The following PREX2 variants were observed in gnomAD, a reference collection of about 807,000 sequenced individuals.
PREX2 encodes phosphatidylinositol 3,4,5-trisphosphate-dependent Rac exchanger 2 protein.
Under a neutral mutation model 203.2 loss-of-function variants are expected in PREX2, and 107 were observed. The ratio of observed to expected loss-of-function variants is 0.53; its 90% CI spans 0.45 to 0.62. The LOEUF (loss-of-function observed/expected upper bound fraction) is 0.62. Among genes scored for constraint, PREX2 ranks in the 20% least tolerant of loss-of-function variants. The pLI is 0.00. For missense variants in PREX2, 1,777 were observed against 1,955.9 expected (o/e 0.91, Z 1.72); for synonymous variants, 672 against 663.6 (o/e 1.01, Z -0.19).
At chr8:68,002,043 CT>C (rs1806952178) in intron 1 of PREX2, among the ~76,000 whole-genome samples, 1 of 151,104 alleles carries the variant, frequency 6.6e-6, no homozygotes, top group African/African-American at 2.4e-5. Context: ...ACAAGTTTCC[CT>C]ATGTAACAAA....
At chr8:68,111,954 C>T (rs1230180750) in intron 25 of PREX2, among the ~76,000 whole-genome samples, 1 of 152,162 alleles carries the variant, frequency 6.6e-6, no homozygotes, top group Non-Finnish European at 1.5e-5. Context: ...CCTGATAACA[C>T]CTCAGTGTTA....
intron 6 of PREX2, among the ~76,000 whole-genome samples, chr8:68,031,199 T>C (rs781180120): frequency 3.3e-5 from 5 of 152,188 alleles, no homozygotes; most frequent in Non-Finnish European, 7.3e-5. Flanking sequence ...AAAAAGAGTA[T>C]AGTTCAAAAT....
intron 1 of PREX2, among the ~76,000 whole-genome samples, chr8:68,014,447 C>CGGG (rs200517755): frequency 6.6e-6 from 1 of 150,926 alleles, no homozygotes; most frequent in African/African-American, 2.4e-5. Flanking sequence ...CCTCGGGGTG[C>CGGG]GGGGGGGGCG....
rs144941545 is a variant in PREX2 at position 68,009,944 on chromosome 8, G to A, written c.142-7902G>A. ...TTTACTTCCAGCCTGTGTGCTTCTGGTCCATGCCCTGATCTTGTGACATCT... is the reference window on the plus strand; with the variant it reads ...TTTACTTCCAGCCTGTGTGCTTCTGATCCATGCCCTGATCTTGTGACATCT... On this transcript the variant is annotated intron_variant, in intron 1 of 39. Transcript: ENST00000288368. 1.8e-4 allele frequency among the ~76,000 whole-genome samples: 28 copies of A among 152,210 alleles called. 1 individual carries two copies. In the East Asian group the frequency reaches 5.2e-3, roughly 28 times the overall value.
At chr8:68,008,954 G>A (rs1051709219) in intron 1 of PREX2, among the ~76,000 whole-genome samples, 2 of 151,986 alleles carry the variant, frequency 1.3e-5, no homozygotes, top group African/African-American at 4.8e-5. Context: ...GTATGAAAAC[G>A]GACTGACATG....
chr8:68,190,401 C>A (rs2129614636), intron 35 of PREX2, among the ~76,000 whole-genome samples: 1 of 152,078 alleles, frequency 6.6e-6, no homozygotes, highest in Middle Eastern at 3.4e-3. Context: ...GCATAATATG[C>A]AGCTGTAAAA....
At chr8:68,211,697 G>C (rs1424909090) in intron 37 of PREX2, among the ~76,000 whole-genome samples, 29 of 152,194 alleles carry the variant, frequency 1.9e-4, no homozygotes, top group Non-Finnish European at 4.4e-5. Flanking sequence ...GAGGTTCCAA[G>C]ATAGTTTGAA....
At chr8:67,993,631 C>A (rs2129609547) in intron 1 of PREX2, among the ~76,000 whole-genome samples, 1 of 152,204 alleles carries the variant, frequency 6.6e-6, no homozygotes, top group African/African-American at 2.4e-5. Flanking sequence ...TGGTATCGAA[C>A]TCCTAACCTC....
At chr8:68,060,917 A>T (rs6472376) in intron 11 of PREX2, 138 bp downstream of exon 11, 9 of 608,242 alleles carry the variant, frequency 1.5e-5, no homozygotes, top group Admixed American at 3.1e-5. Context: ...GTACCTAATA[A>T]GTGTAGAACA....
chr8:68,034,117 T>C (rs1807964241), intron 6 of PREX2, among the ~76,000 whole-genome samples: 2 of 152,178 alleles, frequency 1.3e-5, no homozygotes, highest in Admixed American at 1.3e-4. Context: ...TTGTCAGCAT[T>C]TATGTGGTAA....
chr8:68,107,156 A>G (rs1345941316), intron 23 of PREX2, among the ~76,000 whole-genome samples: 1 of 152,192 alleles, frequency 6.6e-6, no homozygotes, highest in Non-Finnish European at 1.5e-5. Context: ...AACCTAGACT[A>G]TGAGTCAGGG....
At chr8:67,960,291 C>A (rs936090753) in intron 1 of PREX2, among the ~76,000 whole-genome samples, 2 of 152,132 alleles carry the variant, frequency 1.3e-5, no homozygotes, top group African/African-American at 4.8e-5. Context: ...GTTCCCCCAC[C>A]TCAGCCTCCC....
rs567419534 is a variant in PREX2 at position 68,224,669 on chromosome 8, A to G, written c.4775+43A>G. Reference sequence around the variant, plus strand: ...TCTGCCCTTGCCCGAAAGATTTGCCAGCATTTTCCCCGGCAGTGTCCCTCC... The same window carrying G: ...TCTGCCCTTGCCCGAAAGATTTGCCGGCATTTTCCCCGGCAGTGTCCCTCC... On this transcript the variant is annotated intron_variant, in intron 39 of 39. Coordinates refer to ENST00000288368, the MANE Select transcript of PREX2 (RefSeq NM_024870.4). 45 of 1,486,324 alleles carry G rather than the reference A, an allele frequency of 3.0e-5. No homozygotes were observed. In the East Asian group the frequency reaches 9.3e-4, roughly 31 times the overall value. 92.1% of individuals were successfully genotyped at this position (1,486,324 alleles called of 1,614,324 possible). A position where few individuals can be genotyped will look rare whatever the true frequency, so the allele number is the denominator to read the frequency against.
At chr8:68,039,247 G>A (rs1808124042) in intron 7 of PREX2, among the ~76,000 whole-genome samples, 1 of 152,078 alleles carries the variant, frequency 6.6e-6, no homozygotes, top group African/African-American at 2.4e-5. Flanking sequence ...CCTCCACTGA[G>A]CTACTCCTAT....
At chr8:68,152,072 G>A (rs1811445564) in intron 34 of PREX2, among the ~76,000 whole-genome samples, 1 of 151,634 alleles carries the variant, frequency 6.6e-6, no homozygotes, top group East Asian at 2.0e-4. Flanking sequence ...GGTGGATCAC[G>A]AGGTCAGGAA....
intron 6 of PREX2, among the ~76,000 whole-genome samples, chr8:68,037,411 G>A (rs530941906): frequency 3.3e-5 from 5 of 152,146 alleles, no homozygotes; most frequent in South Asian, 4.1e-4. Context: ...AGACATTTCT[G>A]TGCATCTCCC....
intron 14 of PREX2, among the ~76,000 whole-genome samples, chr8:68,076,692 C>CACACACACACA (rs2129611779): frequency 3.1e-5 from 1 of 32,608 alleles, no homozygotes; most frequent in South Asian, 1.0e-3. Context: ...AGGTCACACA[C>CACACACACACA]ACACACACAC....
intron 37 of PREX2, among the ~76,000 whole-genome samples, chr8:68,204,678 CTTTTTTTTTTTT>C (rs1192583427): frequency 3.6e-5 from 3 of 83,426 alleles, no homozygotes; most frequent in Non-Finnish European, 6.5e-5. Flanking sequence ...TTTCTTCTTT[CTTTTTTTTTTTT>C]TTTTTTTTTT....
intron 11 of PREX2, 122 bp downstream of exon 11, chr8:68,060,901 T>A: frequency 1.5e-6 from 1 of 662,404 alleles, no homozygotes; most frequent in South Asian, 2.0e-5. Context: ...TTTAACAATA[T>A]TTTCAGTACC....
Sources: allele counts gnomAD v4.1 joint callset (sites outside exome capture counted in the v4.1 genomes callset), GRCh38; gene constraint gnomAD v4.1.1; transcripts MANE v1.5; gene names NCBI Gene and HGNC (gene_info 2026-07-23, HGNC 2026-07-21).